KCNH2: variants seen among roughly 807,000 people sequenced by gnomAD.
KCNH2 encodes voltage-gated inwardly rectifying potassium channel KCNH2.
A neutral mutation model predicts 95.9 loss-of-function variants in KCNH2; 35 were observed. The ratio of observed to expected loss-of-function variants is 0.37; its 90% CI spans 0.28 to 0.48. The LOEUF is 0.48. Ranked by LOEUF, KCNH2 falls within the 20% of genes least tolerant of loss-of-function variation. KCNH2 has a pLI of 0.99. For synonymous variants in KCNH2, 786 were observed against 754.7 expected (o/e 1.04, Z -0.68); for missense variants, 1,274 against 1,702.9 (o/e 0.75, Z 4.43).
At chr7:150,968,248 C>T (rs1801754828) in intron 2 of KCNH2, among the ~76,000 whole-genome samples, 2 of 152,192 alleles carry the variant, frequency 1.3e-5, no homozygotes, top group Non-Finnish European at 2.9e-5. Flanking sequence ...ATTCCACTCC[C>T]GGGCGTGTAT....
rs139842029 is a variant in KCNH2, at chr7:150,952,970, A to G, written c.1129-117T>C. On this transcript the variant is annotated intron_variant, in intron 5 of 14. Coordinates refer to ENST00000262186, the MANE Select transcript of KCNH2 (RefSeq NM_000238.4). This position sits in a 1 kb window ranked among gnomAD's most constrained non-coding sequence, Gnocchi z 7.3. ...GAGGAGGAGGCCAAAAAAAGCTTCC[A>G]TCAGAATGCCCACCCCTCAGCCAAG... 8.8e-5 allele frequency: 88 copies of G among 995,076 alleles called. 2 individuals are homozygous for G. Among genetic ancestry groups the G allele is most frequent in the South Asian group, 2.9e-4 (19 of 65,454 alleles). 61.6% of individuals were successfully genotyped at this position (995,076 alleles called of 1,614,324 possible).
rs143518632 is a variant in KCNH2, at chr7:150,951,593, G to A, written c.1800C>T (p.Ser600=). 1.1e-4 allele frequency: 173 copies of A among 1,614,196 alleles called. No homozygotes were observed. The Admixed American group carries it at 1.8e-3, about 17-fold the overall frequency. The change falls in exon 7 of 15, where the codon AGC becomes AGT. Residue 600 remains serine (S), a synonymous_variant. Coordinates refer to ENST00000262186, the MANE Select transcript of KCNH2 (RefSeq NM_000238.4). Reference sequence around the variant, plus strand: ...CCTTGATGGAGGGGCCGCCCAGGCCGCTGCTGTTGTAGGGTTTGCCTATCT... The same window carrying A: ...CCTTGATGGAGGGGCCGCCCAGGCCACTGCTGTTGTAGGGTTTGCCTATCT... ...GDQIGKPYNS[S]GLGGPSIKDK... is the part of the protein sequence containing the mutation.
chr7:150,954,919 G>A (rs1277612598), intron 5 of KCNH2, among the ~76,000 whole-genome samples: 2 of 152,156 alleles, frequency 1.3e-5, no homozygotes, highest in South Asian at 2.1e-4. Context: ...AGTGGCTTCC[G>A]CACATTCCAG....
Position 150,951,543 on chromosome 7 carries a change from A to C in KCNH2, c.1850T>G (p.Phe617Cys). The C allele has an allele frequency of 6.2e-7, 1 of 1,614,092 alleles. No homozygotes were observed. The highest frequency in any genetic ancestry group is 8.5e-7 in the Non-Finnish European group (1 of 1,180,006). ...CACACTGGTGAGGCTGCTGAAGGTGAAGTAGAGCGCCGTCACATACTTGTC... is the reference window on the plus strand; with the variant it reads ...CACACTGGTGAGGCTGCTGAAGGTGCAGTAGAGCGCCGTCACATACTTGTC... ...IKDKYVTALYFTFSSLTSVGF... is the reference protein window; with the variant it reads ...IKDKYVTALYCTFSSLTSVGF... The change falls in exon 7 of 15, where the codon TTC becomes TGC. Residue 617 changes from phenylalanine to cysteine, a missense_variant. Transcript: ENST00000262186.
chr7:150,973,018 G>A (rs1801879537), intron 2 of KCNH2, among the ~76,000 whole-genome samples: 1 of 152,196 alleles, frequency 6.6e-6, no homozygotes, highest in Admixed American at 6.5e-5. Flanking sequence ...GCCCGTTGCA[G>A]GCACTCTCTA....
Position 150,947,764 on chromosome 7 carries a change from G to C in KCNH2, c.2807C>G (p.Ser936Cys), listed in dbSNP as rs1162663022. 6.5e-7 allele frequency: 1 copy of C among 1,541,592 alleles called. No individual in the cohort carries two copies. The highest frequency in any genetic ancestry group is 1.2e-5 in the South Asian group (1 of 84,264). Residue 936 changes from serine (S) to cysteine (C), a missense_variant, in exon 12 of 15, where the codon TCC becomes TGC. Ser to Cys is a moderately radical substitution (Grantham distance 112). Transcript: ENST00000262186. ...PWGESPSSGP[S>C]SPESSEDEGP... ...CTCATCCTCACTGCTCTCAGGGCTG[G>C]AGGGGCCACTGGACGGGCTCTCCCC...
At position 150,958,241 on chromosome 7, in the gene KCNH2, G is replaced by T. The variant is rs1212994253; in HGVS notation, c.734C>A (p.Pro245His). 12 of 1,403,062 alleles carry T rather than the reference G, an allele frequency of 8.6e-6. No individual in the cohort carries two copies. The highest frequency in any genetic ancestry group is 1.1e-5 in the Non-Finnish European group (12 of 1,081,548). 86.9% of individuals were successfully genotyped at this position (1,403,062 alleles called of 1,614,324 possible). Reference sequence around the variant, plus strand: ...CGCCCGGGGCGATGGGAGCTGGCCGGGCGCGCTGCGGGGCGGAGAGCCGGG... The same window carrying T: ...CGCCCGGGGCGATGGGAGCTGGCCGTGCGCGCTGCGGGGCGGAGAGCCGGG... Reference protein sequence around the residue: ...VGPGSPPRSAPGQLPSPRAHS... With the variant: ...VGPGSPPRSAHGQLPSPRAHS... Residue 245 changes from proline to histidine, a missense_variant, in exon 4 of 15, where the codon CCC becomes CAC. Physicochemically the swap from Pro to His is moderately conservative, Grantham distance 77 (BLOSUM62 -2). Around this residue, in one of 7 missense-constraint regions of KCNH2, gnomAD observed 392 missense variants for 429.9 expected, o/e 0.91. Transcript: ENST00000262186.
rs1271805259 is a variant in KCNH2, at chr7:150,945,752, AGC to A, written c.3331-240_3331-239del. On this transcript the variant is annotated intron_variant, in intron 14 of 14. Coordinates refer to ENST00000262186, the MANE Select transcript of KCNH2 (RefSeq NM_000238.4). This position sits in a 1 kb window ranked among gnomAD's most constrained non-coding sequence, Gnocchi z 5.6. The stretch of plus-strand genomic sequence containing the variant: ...GAGAAAGGCATTCTCTGAGAGCAGG[AGC>A]CAAACAAGAGAGCTGGGAGCAGGGA... Among the ~76,000 whole-genome samples the A allele has an allele frequency of 6.6e-6, 1 of 152,188 alleles. No individual in the cohort carries two copies. Among genetic ancestry groups the A allele is most frequent in the African/African-American group, 2.4e-5 (1 of 41,438 alleles).
At chr7:150,951,360 C>G in intron 7 of KCNH2, 88 bp downstream of exon 7, 1 of 1,553,636 alleles carries the variant, frequency 6.4e-7, no homozygotes, top group Non-Finnish European at 8.8e-7. Context: ...CAGGGCCTCA[C>G]TCTGGCCCGG....
At chr7:150,965,706 C>T (rs1298456205) in intron 2 of KCNH2, among the ~76,000 whole-genome samples, 1 of 152,216 alleles carries the variant, frequency 6.6e-6, no homozygotes, top group African/African-American at 2.4e-5. Context: ...CAATGCCCAT[C>T]GTCTAGAAGG....
At chr7:150,956,959 C>A (rs1001817450) in intron 5 of KCNH2, among the ~76,000 whole-genome samples, 1 of 152,176 alleles carries the variant, frequency 6.6e-6, no homozygotes, top group Non-Finnish European at 1.5e-5. Context: ...CGCCTTCCCC[C>A]CTTGCTACTG....
intron 5 of KCNH2, among the ~76,000 whole-genome samples, chr7:150,954,476 T>A (rs565223009): frequency 6.6e-6 from 1 of 152,244 alleles, no homozygotes; most frequent in African/African-American, 2.4e-5. Flanking sequence ...CACACGTGCA[T>A]GGGGCACACC....
intron 2 of KCNH2, among the ~76,000 whole-genome samples, chr7:150,966,196 C>T (rs754246791): frequency 3.3e-5 from 5 of 152,156 alleles, no homozygotes; most frequent in Non-Finnish European, 7.4e-5. Context: ...TGCCACTGTC[C>T]ACCAGGGGAC....
intron 2 of KCNH2, 132 bp downstream of exon 2, chr7:150,974,568 CACCCCCACAGA>C: frequency 1.4e-6 from 1 of 709,434 alleles, no homozygotes; most frequent in East Asian, 2.8e-5. Context: ...GCCCGCGTCA[CACCCCCACAGA>C]ACCCTGCCCG....
chr7:150,958,529 G>T, intron 3 of KCNH2, 27 bp from the exon 4 acceptor site: 1 of 1,470,066 alleles, frequency 6.8e-7, no homozygotes, highest in South Asian at 1.3e-5. Flanking sequence ...GCACGTGGTC[G>T]TGGGGATCGC....
chr7:150,950,195 G>A lies in KCNH2; in HGVS notation c.2371C>T (p.Arg791Trp), dbSNP rs138498207. The A allele has an allele frequency of 4.9e-5, 79 of 1,609,838 alleles. No homozygotes were observed. The African/African-American group carries it at 8.7e-4, about 18-fold the overall frequency. The change falls in exon 9 of 15, where the codon CGG becomes TGG. Residue 791 changes from arginine to tryptophan, a missense_variant. Around this residue, in one of 7 missense-constraint regions of KCNH2, gnomAD observed 159 missense variants for 282.5 expected, o/e 0.56. Coordinates refer to ENST00000262186, the MANE Select transcript of KCNH2 (RefSeq NM_000238.4). Reference protein sequence around the residue: ...FISRGSIEILRGDVVVAILGK... With the variant: ...FISRGSIEILWGDVVVAILGK... ...AGGATGGCCACGACGACGTCGCCCC[G>A]CAGGATCTCGATGGAGCCCCGGGAG... is the stretch of plus-strand genomic sequence containing the variant.
chr7:150,948,101 C>T (rs908159139), intron 11 of KCNH2, among the ~76,000 whole-genome samples: 3 of 152,358 alleles, frequency 2.0e-5, no homozygotes, highest in Non-Finnish European at 4.4e-5. Flanking sequence ...CAGGGGTTGG[C>T]GGATCTCTGG....
At position 150,975,045 on chromosome 7, in the gene KCNH2, C is replaced by T; in HGVS notation, c.77-104G>A. The T allele has an allele frequency of 4.0e-6, 4 of 999,696 alleles. 1 individual carries two copies. The South Asian group carries it at 6.3e-5, about 16-fold the overall frequency. 61.9% of individuals were successfully genotyped at this position (999,696 alleles called of 1,614,324 possible). A position where few individuals can be genotyped will look rare whatever the true frequency, so the allele number is the denominator to read the frequency against. On this transcript the variant is annotated intron_variant, in intron 1 of 14. Transcript: ENST00000262186. ...CTCACACAGCCGCCCGGGGACTCCC[C>T]GCCACAGGAAGCATGGCTGGGACTG...
chr7:150,946,823 G>C lies in KCNH2; in HGVS notation c.3330+54C>G. The C allele has an allele frequency of 6.6e-7, 1 of 1,523,520 alleles. No individual in the cohort carries two copies. Among genetic ancestry groups the C allele is most frequent in the Non-Finnish European group, 9.0e-7 (1 of 1,113,668 alleles). 94.4% of individuals were successfully genotyped at this position (1,523,520 alleles called of 1,614,324 possible). A position where few individuals can be genotyped will look rare whatever the true frequency, so the allele number is the denominator to read the frequency against. On this transcript the variant is annotated intron_variant, in intron 14 of 14. Transcript: ENST00000262186. The surrounding 1 kb of genome is among the most constrained non-coding windows in gnomAD (Gnocchi z 6.5). ...AAGGCAGCAAAGCAGGTTTGGGCTGGAATCGGGGAACAAGCGGGTCACGGT... is the reference window on the plus strand; with the variant it reads ...AAGGCAGCAAAGCAGGTTTGGGCTGCAATCGGGGAACAAGCGGGTCACGGT...
Sources: gnomAD v4.1 joint callset for allele counts (sites outside exome capture counted in the v4.1 genomes callset) on GRCh38, gnomAD v4.1.1 for gene constraint, gnomAD v4.1.1 regional missense constraint, Gnocchi (gnomAD v3.1) non-coding constraint, MANE v1.5 for transcripts, NCBI Gene and HGNC (gene_info 2026-07-23, HGNC 2026-07-21) for gene names.